PIK3CB: variants seen among roughly 807,000 people sequenced by gnomAD.
PIK3CB encodes the protein phosphatidylinositol 4,5-bisphosphate 3-kinase catalytic subunit beta isoform.
A neutral mutation model predicts 136.8 loss-of-function variants in PIK3CB; 39 were observed. The ratio of observed to expected loss-of-function variants is 0.29; its 90% CI spans 0.22 to 0.37. PIK3CB has a LOEUF of 0.37. Ranked by LOEUF, PIK3CB falls within the 10% of genes least tolerant of loss-of-function variation. The pLI, the probability that PIK3CB is intolerant of heterozygous loss-of-function variation, is 1.00. For synonymous variants in PIK3CB, 428 were observed against 436.6 expected, an observed-to-expected ratio of 0.98 and a Z score of 0.25; for missense variants, 868 against 1,275.4, an observed-to-expected ratio of 0.68 and a Z score of 4.87.
chr3:138,690,926 C>A, intron 15 of PIK3CB, 74 bp downstream of exon 15: 1 of 1,189,192 alleles, frequency 8.4e-7, no homozygotes, highest in Non-Finnish European at 1.2e-6. Context: ...AGCTATTTTT[C>A]TATTAAATAT....
intron 14 of PIK3CB, among the ~76,000 whole-genome samples, chr3:138,693,964 TATTATATATA>T (rs1309681967): frequency 1.6e-4 from 6 of 36,638 alleles, no homozygotes; most frequent in Non-Finnish European, 2.7e-4. Flanking sequence ...TATATATATA[TATTATATATA>T]TATATATATA....
intron 2 of PIK3CB, among the ~76,000 whole-genome samples, chr3:138,795,634 A>C (rs559409555): frequency 6.6e-6 from 1 of 152,292 alleles, no homozygotes; most frequent in East Asian, 1.9e-4. Context: ...GTTTCAAAAA[A>C]ACAAAAATAA....
At chr3:138,821,517 G>A (rs1933563035) in intron 1 of PIK3CB, among the ~76,000 whole-genome samples, 2 of 152,178 alleles carry the variant, frequency 1.3e-5, no homozygotes, top group African/African-American at 4.8e-5. Flanking sequence ...GGGCATGGCG[G>A]CTCACGTCTG....
At chr3:138,741,371 T>C (rs1290376723) in intron 5 of PIK3CB, among the ~76,000 whole-genome samples, 1 of 152,228 alleles carries the variant, frequency 6.6e-6, no homozygotes, top group East Asian at 1.9e-4. Context: ...GCTTGTAAGG[T>C]TGGTGTGGGA....
chr3:138,792,736 A>G lies in PIK3CB; in HGVS notation c.-17+3727T>C, dbSNP rs535830433. On this transcript the variant is annotated intron_variant, in intron 2 of 23. Transcript: ENST00000674063. ...AGAGAGGATATATCAAGGAATTTTT[A>G]GGCAAAGAGGAAGAAGCTGTAGGAT... 2.6e-5 allele frequency among the ~76,000 whole-genome samples: 4 copies of G among 152,292 alleles called. No homozygotes were observed. In the South Asian group the frequency reaches 8.3e-4, roughly 32 times the overall value.
Position 138,821,083 on chromosome 3 carries a change from G to C in PIK3CB, c.-122+13612C>G, listed in dbSNP as rs917609521. On this transcript the variant is annotated intron_variant, in intron 1 of 23. Transcript: ENST00000674063. ...GGGCAGATCACGAGGTCAGGAAATCGAGACCATCTTGGCCAACATGGTGAA... is the reference window on the plus strand; with the variant it reads ...GGGCAGATCACGAGGTCAGGAAATCCAGACCATCTTGGCCAACATGGTGAA... Among the ~76,000 whole-genome samples the C allele has an allele frequency of 2.5e-4, 37 of 145,906 alleles. 1 individual carries two copies. The highest frequency in any genetic ancestry group is 7.6e-4 in the African/African-American group (30 of 39,416).
chr3:138,744,478 TGAG>T (rs1413503654), intron 4 of PIK3CB, among the ~76,000 whole-genome samples: 1 of 141,044 alleles, frequency 7.1e-6, no homozygotes, highest in African/African-American at 2.6e-5. Context: ...CTGAGTAGGC[TGAG>T]GAGGAGGGGG....
At chr3:138,824,220 T>C (rs922561969) in intron 1 of PIK3CB, among the ~76,000 whole-genome samples, 2 of 152,192 alleles carry the variant, frequency 1.3e-5, no homozygotes, top group Non-Finnish European at 2.9e-5. Context: ...CCTGCAGGCA[T>C]GGATAATCAG....
intron 1 of PIK3CB, among the ~76,000 whole-genome samples, chr3:138,806,810 A>C (rs1369033447): frequency 6.6e-6 from 1 of 152,234 alleles, no homozygotes; most frequent in African/African-American, 2.4e-5. Context: ...TACTGTACAC[A>C]GCTGGACGTT....
intron 2 of PIK3CB, among the ~76,000 whole-genome samples, chr3:138,762,132 C>T (rs999013063): frequency 1.3e-5 from 2 of 151,810 alleles, no homozygotes; most frequent in South Asian, 2.1e-4. Context: ...GCCTGTAATC[C>T]CAGCTACTCA....
At chr3:138,780,422 C>A (rs1463220382) in intron 2 of PIK3CB, among the ~76,000 whole-genome samples, 1 of 152,054 alleles carries the variant, frequency 6.6e-6, no homozygotes. Flanking sequence ...AGGTGTGTAC[C>A]ACCATGCCCA....
intron 22 of PIK3CB, 33 bp downstream of exon 22, chr3:138,657,657 A>G (rs757962925): frequency 3.8e-6 from 6 of 1,590,132 alleles, no homozygotes; most frequent in Admixed American, 3.5e-5. Context: ...AAATGTTAGA[A>G]GTGTTCAGCC....
chr3:138,770,408 T>C (rs906514981), intron 2 of PIK3CB: 1 of 152,102 alleles, frequency 6.6e-6, no homozygotes, highest in Non-Finnish European at 1.5e-5. Flanking sequence ...ATAGGAGATA[T>C]TTAAAAAGAG....
chr3:138,754,637 T>G (rs1418774003), intron 4 of PIK3CB, among the ~76,000 whole-genome samples: 1 of 152,192 alleles, frequency 6.6e-6, no homozygotes, highest in African/African-American at 2.4e-5. Context: ...CTAGCCACCC[T>G]CTGAAGTAAT....
In PIK3CB at chr3:138,722,898, ACAGT is replaced by A. The variant is rs536485650; in HGVS notation, c.1051-8183_1051-8180del. Among the ~76,000 whole-genome samples, 557 of 152,264 alleles carry A rather than the reference ACAGT, an allele frequency of 3.7e-3. 6 individuals are homozygous for A. The highest frequency in any genetic ancestry group is 6.8e-3 in the Middle Eastern group (2 of 294). The stretch of plus-strand genomic sequence containing the variant: ...TGTTGAAAATAAGTATCATTATTTA[ACAGT>A]CAAAGTATGATTTATTTCAGGCCAA... On this transcript the variant is annotated intron_variant, in intron 8 of 23. Coordinates refer to ENST00000674063, the MANE Select transcript of PIK3CB (RefSeq NM_006219.3).
At chr3:138,815,491 T>C (rs1488842754) in intron 1 of PIK3CB, among the ~76,000 whole-genome samples, 1 of 147,124 alleles carries the variant, frequency 6.8e-6, no homozygotes, top group Non-Finnish European at 1.5e-5. Context: ...CATCCATCCA[T>C]ATATAAATAC....
In PIK3CB at chr3:138,826,307, A is replaced by G; in HGVS notation, c.-122+8388T>C. On this transcript the variant is annotated intron_variant, in intron 1 of 23. Coordinates refer to ENST00000674063, the MANE Select transcript of PIK3CB (RefSeq NM_006219.3). ...GCTGGCAAGGTCACCAAGTCTGCCC[A>G]GAAAGCTCAGAAGGCTAAATGAATA... 3 of 1,597,540 alleles carry G rather than the reference A, an allele frequency of 1.9e-6. No individual in the cohort carries two copies. In the South Asian group the frequency reaches 3.3e-5, roughly 18 times the overall value.
chr3:138,744,392 CAAAA>C lies in PIK3CB; in HGVS notation c.398-1615_398-1612del, dbSNP rs60503033. Among the ~76,000 whole-genome samples, 293 of 45,084 alleles carry C rather than the reference CAAAA, an allele frequency of 6.5e-3. 65 individuals carry two copies. In the East Asian group the frequency reaches 0.11, roughly 16 times the overall value. The allele number at this position is 45,084 out of a possible 152,430, so 29.6% of individuals were successfully genotyped here. ...ACTGGGTGACAGAGCGAGACTCCCCCAAAAAAAAAAAAAAAAAAAAAAAAAAAAA... is the reference window on the plus strand; with the variant it reads ...ACTGGGTGACAGAGCGAGACTCCCCCAAAAAAAAAAAAAAAAAAAAAAAAA... On this transcript the variant is annotated intron_variant, in intron 4 of 23. Coordinates refer to ENST00000674063, the MANE Select transcript of PIK3CB (RefSeq NM_006219.3).
chr3:138,690,785 T>A (rs2043991734), intron 15 of PIK3CB, among the ~76,000 whole-genome samples: 1 of 147,972 alleles, frequency 6.8e-6, no homozygotes, highest in African/African-American at 2.5e-5. Context: ...GAGGGACACA[T>A]AAGGGTCTTG....
Sources: gnomAD v4.1 joint callset for allele counts (sites outside exome capture counted in the v4.1 genomes callset) on GRCh38, gnomAD v4.1.1 for gene constraint, MANE v1.5 for transcripts, NCBI Gene and HGNC (gene_info 2026-07-23, HGNC 2026-07-21) for gene names.